THSD7B: variants seen among roughly 807,000 people sequenced by gnomAD.
The protein encoded by THSD7B is thrombospondin type-1 domain-containing protein 7B.
Under a neutral mutation model 213.6 loss-of-function variants are expected in THSD7B, and 138 were observed. The observed-to-expected ratio is 0.65, with a 90% CI of 0.56 to 0.74. The LOEUF is 0.74. Ranked by LOEUF, THSD7B falls within the 30% of genes least tolerant of loss-of-function variation. The probability of loss-of-function intolerance (pLI) is 0.00; values close to 1 mark genes in which losing one functional copy is unlikely to be tolerated. For synonymous variants in THSD7B, 742 were observed against 687.0 expected (o/e 1.08, Z -1.25); for missense variants, 1,931 against 1,991.5 (o/e 0.97, Z 0.58).
chr2:137,399,171 G>C (rs769655199), intron 12 of THSD7B, among the ~76,000 whole-genome samples: 2 of 150,244 alleles, frequency 1.3e-5, no homozygotes, highest in Middle Eastern at 3.4e-3. Flanking sequence ...GTTCCTATTC[G>C]GCCATCTTGG....
chr2:137,147,603 G>C lies in THSD7B; in HGVS notation c.1370-12610G>C, dbSNP rs13401313. On this transcript the variant is annotated intron_variant, in intron 5 of 27. Transcript: ENST00000409968. ...TGTGGTGGTGTTTTTGGAGGAGAAT[G>C]TTATTTTGGAGAATGTGGATTTCTC... Among the ~76,000 whole-genome samples the C allele has an allele frequency of 9.5e-3, 1,445 of 152,048 alleles. 21 individuals carry two copies. The highest frequency in any genetic ancestry group is 0.033 in the African/African-American group (1,364 of 41,482).
At chr2:137,525,661 TAAC>T (rs1433324300) in intron 15 of THSD7B, among the ~76,000 whole-genome samples, 1 of 152,216 alleles carries the variant, frequency 6.6e-6, no homozygotes, top group African/African-American at 2.4e-5. Flanking sequence ...ATATCATTAA[TAAC>T]AGTATTTCAT....
At chr2:137,192,173 C>T (rs1231204316) in intron 7 of THSD7B, among the ~76,000 whole-genome samples, 1 of 152,114 alleles carries the variant, frequency 6.6e-6, no homozygotes, top group African/African-American at 2.4e-5. Context: ...GTGATCCTCT[C>T]AGTTTATCCC....
At chr2:136,983,367 ACACG>A in intron 2 of THSD7B, among the ~76,000 whole-genome samples, 4 of 149,106 alleles carry the variant, frequency 2.7e-5, no homozygotes, top group Admixed American at 6.7e-5. Context: ...AGACACACAC[ACACG>A]CACACACACT....
chr2:137,603,022 A>T (rs1682104996), intron 17 of THSD7B, among the ~76,000 whole-genome samples: 1 of 152,064 alleles, frequency 6.6e-6, no homozygotes, highest in Admixed American at 6.5e-5. Context: ...GTGGTGCTTG[A>T]TTGAGTTGCT....
At chr2:136,851,253 C>A (rs1683095415) in intron 1 of THSD7B, among the ~76,000 whole-genome samples, 1 of 151,982 alleles carries the variant, frequency 6.6e-6, no homozygotes, top group Admixed American at 6.6e-5. Flanking sequence ...TTATACCATT[C>A]TTTTATTCTC....
chr2:137,622,457 G>A (rs1022515531), intron 20 of THSD7B, among the ~76,000 whole-genome samples: 3 of 152,000 alleles, frequency 2.0e-5, no homozygotes, highest in African/African-American at 7.2e-5. Flanking sequence ...CTAGCAGAAG[G>A]CAAAAAATAA....
intron 12 of THSD7B, among the ~76,000 whole-genome samples, chr2:137,362,810 A>G (rs549191964): frequency 1.3e-5 from 2 of 152,332 alleles, no homozygotes; most frequent in East Asian, 3.9e-4. Context: ...CCCCACTGTC[A>G]ATAGTAGACA....
intron 2 of THSD7B, among the ~76,000 whole-genome samples, chr2:137,047,572 C>T (rs113827399): frequency 0.012 from 1,797 of 152,234 alleles, 22 homozygotes; most frequent in Middle Eastern, 0.024. Flanking sequence ...GGAATGGGAG[C>T]CATGCAGGAG....
chr2:137,213,685 A>G (rs1262671382), intron 7 of THSD7B, among the ~76,000 whole-genome samples: 1 of 152,044 alleles, frequency 6.6e-6, no homozygotes, highest in African/African-American at 2.4e-5. Context: ...TTGGGCTGCC[A>G]AAACAGACAT....
chr2:137,303,638 A>G (rs1683660715), intron 12 of THSD7B, among the ~76,000 whole-genome samples: 1 of 145,274 alleles, frequency 6.9e-6, no homozygotes, highest in Non-Finnish European at 1.5e-5. Flanking sequence ...CTTTACAGAC[A>G]TATATAAACA....
rs1197033992 is a variant in THSD7B at position 137,300,817 on chromosome 2, G to T, written c.2500+24791G>T. Among the ~76,000 whole-genome samples the T allele has an allele frequency of 1.3e-5, 2 of 152,132 alleles. 1 individual carries two copies. Among genetic ancestry groups the T allele is most frequent in the South Asian group, 4.2e-4 (2 of 4,772 alleles). The stretch of plus-strand genomic sequence containing the variant: ...GACAAGAAAGAGAATGGTTGAGCAA[G>T]TTTATACGGACAAAAAGATGGAAAG... On this transcript the variant is annotated intron_variant, in intron 12 of 27. Coordinates refer to ENST00000409968, the MANE Select transcript of THSD7B (RefSeq NM_001316349.2).
rs545243302 is a variant in THSD7B, at chr2:137,252,237, AG to A, written c.2266+9666del. Among the ~76,000 whole-genome samples, 1,040 of 130,302 alleles carry A rather than the reference AG, an allele frequency of 8.0e-3. 16 individuals carry two copies. The highest frequency in any genetic ancestry group is 0.028 in the African/African-American group (973 of 34,634). The allele number at this position is 130,302 out of a possible 152,430, so 85.5% of individuals were successfully genotyped here. On this transcript the variant is annotated intron_variant, in intron 10 of 27. Transcript: ENST00000409968. ...AGCTGAAATCATGCCACTGCACTTC[AG>A]CCTGGGTGACAGAGCGAGACTCTGT...
At chr2:137,285,012 C>A (rs990945165) in intron 12 of THSD7B, among the ~76,000 whole-genome samples, 6 of 152,072 alleles carry the variant, frequency 3.9e-5, no homozygotes, top group Admixed American at 6.5e-5. Context: ...TTTAAGTCTC[C>A]CATTATTATT....
intron 12 of THSD7B, among the ~76,000 whole-genome samples, chr2:137,374,486 G>T (rs1245961737): frequency 6.6e-6 from 1 of 152,062 alleles, no homozygotes; most frequent in Non-Finnish European, 1.5e-5. Flanking sequence ...AAGTATATTC[G>T]AGTTTCCACT....
At chr2:137,458,256 G>A (rs1687809958) in intron 15 of THSD7B, among the ~76,000 whole-genome samples, 1 of 152,132 alleles carries the variant, frequency 6.6e-6, no homozygotes, top group Non-Finnish European at 1.5e-5. Context: ...CACAATAAGT[G>A]GATGTGATCA....
intron 12 of THSD7B, among the ~76,000 whole-genome samples, chr2:137,389,193 C>CATATATAT (rs59969102): frequency 0.069 from 8,801 of 126,900 alleles, 372 homozygotes; most frequent in South Asian, 0.13. Context: ...ATATATCTGT[C>CATATATAT]ATATATATAT....
At chr2:137,318,268 C>G (rs1684174288) in intron 12 of THSD7B, among the ~76,000 whole-genome samples, 1 of 152,200 alleles carries the variant, frequency 6.6e-6, no homozygotes, top group African/African-American at 2.4e-5. Context: ...CTCTAGCCAT[C>G]TCTGTGCATA....
chr2:137,448,282 G>A (rs979022027), intron 14 of THSD7B, among the ~76,000 whole-genome samples: 3 of 152,172 alleles, frequency 2.0e-5, no homozygotes, highest in Non-Finnish European at 1.5e-5. Flanking sequence ...TTCCAGCCTG[G>A]GATGGCAGAA....
Sources: allele counts gnomAD v4.1 joint callset (sites outside exome capture counted in the v4.1 genomes callset), GRCh38; gene constraint gnomAD v4.1.1; transcripts MANE v1.5; gene names NCBI Gene and HGNC (gene_info 2026-07-23, HGNC 2026-07-21).